Variants in ATP8A1 observed in about 807,000 individuals in gnomAD.
The protein encoded by ATP8A1 is ATPase phospholipid transporting 8A1.
ATP8A1 carries 90 observed loss-of-function variants against 177.7 expected under a neutral mutation model. The ratio of observed to expected loss-of-function variants is 0.51; its 90% CI spans 0.43 to 0.60. ATP8A1 has a LOEUF of 0.60. Ranked by LOEUF, ATP8A1 falls within the 20% of genes least tolerant of loss-of-function variation. The pLI, the probability that ATP8A1 is intolerant of heterozygous loss-of-function variation, is 0.00. For missense variants in ATP8A1, 1,072 were observed against 1,392.8 expected (o/e 0.77, Z 3.67); for synonymous variants, 493 against 485.9 (o/e 1.01, Z -0.19).
intron 27 of ATP8A1, chr4:42,459,573 T>C (rs1035220575): frequency 3.0e-5 from 9 of 299,826 alleles, no homozygotes; most frequent in African/African-American, 1.6e-4. Flanking sequence ...GCTAGATATA[T>C]AGAAGGGATT....
chr4:42,642,652 C>T lies in ATP8A1; in HGVS notation c.49+14173G>A, dbSNP rs564023688. Among the ~76,000 whole-genome samples the T allele has an allele frequency of 9.9e-5, 15 of 152,244 alleles. No homozygotes were observed. In the South Asian group the frequency reaches 2.9e-3, roughly 29 times the overall value. ...ACTCAATCCACAGGTAGAACAAAAA[C>T]GATGCGAGGGTGGATGAAACAAATG... is the stretch of plus-strand genomic sequence containing the variant. On this transcript the variant is annotated intron_variant, in intron 1 of 36. Transcript: ENST00000381668.
intron 33 of ATP8A1, among the ~76,000 whole-genome samples, chr4:42,430,798 T>A (rs1232295832): frequency 1.3e-5 from 2 of 152,166 alleles, no homozygotes; most frequent in Non-Finnish European, 2.9e-5. Flanking sequence ...CCCTCCCTCA[T>A]TCAGCTTCCA....
At chr4:42,472,460 G>T in intron 25 of ATP8A1, 1 of 309,362 alleles carries the variant, frequency 3.2e-6, no homozygotes, top group South Asian at 2.9e-5. Flanking sequence ...ACAAGAAAGA[G>T]AAATTTGGCC....
chr4:42,549,085 AT>A, intron 18 of ATP8A1, 23 bp from the exon 19 acceptor site: 1 of 1,577,622 alleles, frequency 6.3e-7, no homozygotes, highest in South Asian at 1.1e-5. Flanking sequence ...GGAATATATA[AT>A]TACATACAGT....
chr4:42,441,152 C>T (rs1560326988), intron 33 of ATP8A1, among the ~76,000 whole-genome samples: 2 of 152,076 alleles, frequency 1.3e-5, no homozygotes, highest in African/African-American at 4.8e-5. Context: ...CAGATGCTAA[C>T]ATTTAACTTA....
rs543393144 is a variant in ATP8A1 at position 42,423,374 on chromosome 4, G to A, written c.3212+243C>T. ...GCTGTTTCTAAAAAACATACTCCCCGATGTAATTTTCTCCAGTGCCATTTA... is the reference window on the plus strand; with the variant it reads ...GCTGTTTCTAAAAAACATACTCCCCAATGTAATTTTCTCCAGTGCCATTTA... On this transcript the variant is annotated intron_variant, in intron 34 of 36. Transcript: ENST00000381668. Among the ~76,000 whole-genome samples the A allele has an allele frequency of 2.2e-4, 33 of 152,082 alleles. No homozygotes were observed. In the South Asian group the frequency reaches 2.9e-3, roughly 13 times the overall value.
At chr4:42,618,115 T>C (rs1368079436) in intron 4 of ATP8A1, among the ~76,000 whole-genome samples, 1 of 152,226 alleles carries the variant, frequency 6.6e-6, no homozygotes, top group Admixed American at 6.5e-5. Context: ...GTATAAACAG[T>C]GTTATGAACT....
At chr4:42,623,271 T>C (rs1282575527) in intron 4 of ATP8A1, among the ~76,000 whole-genome samples, 1 of 152,142 alleles carries the variant, frequency 6.6e-6, no homozygotes, top group Non-Finnish European at 1.5e-5. Flanking sequence ...TTTTGACCAT[T>C]GTGGAAGACA....
intron 20 of ATP8A1, among the ~76,000 whole-genome samples, chr4:42,528,464 A>G (rs1726933360): frequency 6.6e-6 from 1 of 152,146 alleles, no homozygotes; most frequent in African/African-American, 2.4e-5. Flanking sequence ...AGACACATGG[A>G]TCTTGGGGAA....
intron 9 of ATP8A1, among the ~76,000 whole-genome samples, chr4:42,585,823 C>G (rs1261108852): frequency 2.0e-5 from 3 of 151,838 alleles, no homozygotes. Context: ...AGGCAGGAAG[C>G]AGGTAACAAA....
At chr4:42,536,206 T>C (rs185546436) in intron 20 of ATP8A1, among the ~76,000 whole-genome samples, 1 of 152,220 alleles carries the variant, frequency 6.6e-6, no homozygotes, top group African/African-American at 2.4e-5. Context: ...AGACCATTAG[T>C]GAGATTAACC....
chr4:42,604,234 T>C (rs1215059759), intron 5 of ATP8A1, among the ~76,000 whole-genome samples: 1 of 152,212 alleles, frequency 6.6e-6, no homozygotes, highest in Non-Finnish European at 1.5e-5. Flanking sequence ...TCCTTCCTCC[T>C]CACCCCCAAA....
intron 24 of ATP8A1, among the ~76,000 whole-genome samples, chr4:42,487,427 A>G (rs758249143): frequency 1.4e-4 from 22 of 152,190 alleles, no homozygotes; most frequent in Non-Finnish European, 2.8e-4. Flanking sequence ...AAGAAACACA[A>G]CACTGGCCTG....
chr4:42,508,450 A>C (rs920535497), intron 22 of ATP8A1, among the ~76,000 whole-genome samples: 3 of 152,200 alleles, frequency 2.0e-5, no homozygotes, highest in Non-Finnish European at 4.4e-5. Flanking sequence ...TCTCATGAGA[A>C]AGAATGGTTT....
At chr4:42,525,082 A>G (rs1377715095) in intron 20 of ATP8A1, among the ~76,000 whole-genome samples, 2 of 152,126 alleles carry the variant, frequency 1.3e-5, no homozygotes, top group African/African-American at 2.4e-5. Flanking sequence ...AGTTATTCCC[A>G]TGTTCATATC....
In ATP8A1 at chr4:42,625,830, A is replaced by G. The variant is rs551584038; in HGVS notation, c.165-117T>C. 7.7e-6 allele frequency: 4 copies of G among 521,106 alleles called. No homozygotes were observed. The South Asian group carries it at 1.5e-4, about 20-fold the overall frequency. The allele number at this position is 521,106 out of a possible 1,614,324, so 32.3% of individuals were successfully genotyped here. On this transcript the variant is annotated intron_variant, in intron 2 of 36. Coordinates refer to ENST00000381668, the MANE Select transcript of ATP8A1 (RefSeq NM_006095.2). ...TAAGGAACATTTGCCGGCTGTTTCA[A>G]ATTGGGAGAATATTGCAAAGGGTCA... is the stretch of plus-strand genomic sequence containing the variant.
chr4:42,562,852 T>C (rs1477563795), intron 15 of ATP8A1, among the ~76,000 whole-genome samples: 1 of 152,240 alleles, frequency 6.6e-6, no homozygotes, highest in Non-Finnish European at 1.5e-5. Context: ...TTGCTCTTCC[T>C]TGCTTTCTGC....
intron 31 of ATP8A1, among the ~76,000 whole-genome samples, chr4:42,444,970 T>C (rs930272856): frequency 1.3e-5 from 2 of 152,218 alleles, no homozygotes; most frequent in Admixed American, 1.3e-4. Flanking sequence ...CTGGGTTAAT[T>C]TGAGTTTTCA....
At chr4:42,431,270 CTCTAA>C (rs1307565192) in intron 33 of ATP8A1, among the ~76,000 whole-genome samples, 1 of 152,100 alleles carries the variant, frequency 6.6e-6, no homozygotes, top group African/African-American at 2.4e-5. Flanking sequence ...TTCAGTCAGA[CTCTAA>C]TCTCTTTCTC....
Sources: gnomAD v4.1 joint callset for allele counts (sites outside exome capture counted in the v4.1 genomes callset) on GRCh38, gnomAD v4.1.1 for gene constraint, MANE v1.5 for transcripts, NCBI Gene and HGNC (gene_info 2026-07-23, HGNC 2026-07-21) for gene names.